RBPJ: variants seen among roughly 807,000 people sequenced by gnomAD.
RBPJ encodes the protein recombination signal binding protein for immunoglobulin kappa J region.
Under a neutral mutation model 67.8 loss-of-function variants are expected in RBPJ, and 9 were observed. The observed-to-expected ratio is 0.13, with a 90% CI of 0.08 to 0.23. The LOEUF is 0.23. Among genes scored for constraint, RBPJ ranks in the 10% least tolerant of loss-of-function variants. The pLI, the probability that RBPJ is intolerant of heterozygous loss-of-function variation, is 1.00. For missense variants in RBPJ, 305 were observed against 595.6 expected, an observed-to-expected ratio of 0.51 and a Z score of 5.08; for synonymous variants, 198 against 203.3, an observed-to-expected ratio of 0.97 and a Z score of 0.22.
At chr4:26,206,728 A>G (rs532986306) in intron 1 of RBPJ, among the ~76,000 whole-genome samples, 1 of 146,466 alleles carries the variant, frequency 6.8e-6, no homozygotes. Flanking sequence ...CAAAACTATA[A>G]AAACGAAAGG....
the RBPJ span, among the ~76,000 whole-genome samples, chr4:26,148,246 T>A: frequency 3.1e-5 from 2 of 64,514 alleles, no homozygotes; most frequent in Non-Finnish European, 6.4e-5. Context: ...GATGAACTAC[T>A]TAAGGAAATT....
At chr4:26,372,707 T>C (rs1424243748) in intron 1 of RBPJ, among the ~76,000 whole-genome samples, 1 of 152,206 alleles carries the variant, frequency 6.6e-6, no homozygotes, top group East Asian at 1.9e-4. Flanking sequence ...AATCAGTGCT[T>C]GGTGATCTGG....
chr4:26,285,838 A>G (rs1357703333), intron 1 of RBPJ, among the ~76,000 whole-genome samples: 1 of 152,222 alleles, frequency 6.6e-6, no homozygotes, highest in Non-Finnish European at 1.5e-5. Context: ...GTGTATACCC[A>G]AAGACTAACA....
chr4:26,238,207 G>A (rs59857190), intron 1 of RBPJ, among the ~76,000 whole-genome samples: 13,258 of 152,114 alleles, frequency 0.087, 741 homozygotes, highest in East Asian at 0.2. Context: ...GACCACAGGC[G>A]CGCACCACCG....
At chr4:26,412,294 A>G (rs1035221059) in intron 3 of RBPJ, among the ~76,000 whole-genome samples, 1 of 152,102 alleles carries the variant, frequency 6.6e-6, no homozygotes, top group Non-Finnish European at 1.5e-5. Context: ...GTACAGTGGC[A>G]CTATCTTGGC....
In RBPJ at chr4:26,351,410, G is replaced by T. The variant is rs371757681; in HGVS notation, c.20+30362G>T. 5.3e-5 allele frequency among the ~76,000 whole-genome samples: 8 copies of T among 152,112 alleles called. No individual in the cohort carries two copies. The East Asian group carries it at 7.7e-4, about 15-fold the overall frequency. The stretch of plus-strand genomic sequence containing the variant: ...GAGAATGCTTTGTTTATTTTTTGGT[G>T]GGGGGTGGGTGACTGGGTCTTGCCC... On this transcript the variant is annotated intron_variant, in intron 1 of 10. Transcript: ENST00000355476.
intron 1 of RBPJ, among the ~76,000 whole-genome samples, chr4:26,305,771 C>CTTTTTTTTTTTTTTTTTTT (rs71276617): frequency 1.2e-4 from 8 of 67,758 alleles, no homozygotes; most frequent in Admixed American, 4.8e-4. Context: ...ATTTTCTTTT[C>CTTTTTTTTTTTTTTTTTTT]TTTTTTTTTT....
chr4:26,170,481 G>C lies in RBPJ; in HGVS notation c.-167+6867G>C, dbSNP rs1348874633. Among the ~76,000 whole-genome samples the C allele has an allele frequency of 2.6e-5, 4 of 151,782 alleles. No homozygotes were observed. The East Asian group carries it at 5.8e-4, about 22-fold the overall frequency. On this transcript the variant is annotated intron_variant, in intron 1 of 4. Transcript: ENST00000512351. ...ACTTGAGCCAGGGAGGCCGGCCAAG[G>C]CTGCAGTGAGCCTTGCAGTGCCACT...
chr4:26,244,436 CAT>C lies in RBPJ; in HGVS notation c.-167+80825_-167+80826del, dbSNP rs1260188047. ...ATACATATGTGTGTATATATGTATA[CAT>C]ATGTGTGTATACATATATGTGTGTA... On this transcript the variant is annotated intron_variant, in intron 1 of 4. Transcript: ENST00000512351. Among the ~76,000 whole-genome samples the C allele has an allele frequency of 1.6e-4, 19 of 122,240 alleles. 1 individual carries two copies. The highest frequency in any genetic ancestry group is 6.0e-4 in the African/African-American group (18 of 30,174). The allele number at this position is 122,240 out of a possible 152,430, so 80.2% of individuals were successfully genotyped here.
chr4:26,110,165 T>C, the RBPJ span, among the ~76,000 whole-genome samples: 1 of 152,194 alleles, frequency 6.6e-6, no homozygotes, highest in Admixed American at 6.5e-5. This position sits in a 1 kb window ranked among gnomAD's most constrained non-coding sequence, Gnocchi z 4.5. Flanking sequence ...CTTCTTACAA[T>C]TCAATTTCTC....
intron 1 of RBPJ, among the ~76,000 whole-genome samples, chr4:26,178,627 AAAG>A (rs1716877830): frequency 6.6e-6 from 1 of 150,582 alleles, no homozygotes; most frequent in Non-Finnish European, 1.5e-5. Context: ...AAAAAAAAAA[AAAG>A]AAGTCCCAGA....
chr4:26,400,238 A>G (rs1275849122), intron 2 of RBPJ, among the ~76,000 whole-genome samples: 1 of 152,098 alleles, frequency 6.6e-6, no homozygotes, highest in Non-Finnish European at 1.5e-5. Flanking sequence ...TTTTCATTCC[A>G]TGTGACCATC....
intron 1 of RBPJ, among the ~76,000 whole-genome samples, chr4:26,355,639 T>G (rs1727290933): frequency 1.3e-5 from 2 of 152,026 alleles, no homozygotes; most frequent in Admixed American, 1.3e-4. Context: ...CCCCATCTCT[T>G]AAAACATCAA....
At chr4:26,317,407 A>T (rs989125193), upstream of RBPJ, among the ~76,000 whole-genome samples, 1 of 152,194 alleles carries the variant, frequency 6.6e-6, no homozygotes, top group African/African-American at 2.4e-5. Flanking sequence ...AAGGAAGGCA[A>T]CTGGTGAGAG....
chr4:26,180,860 G>A (rs1716959145), intron 1 of RBPJ, among the ~76,000 whole-genome samples: 2 of 152,218 alleles, frequency 1.3e-5, no homozygotes, highest in African/African-American at 4.8e-5. Flanking sequence ...AGACCATTAT[G>A]CAGGGCAATG....
In RBPJ at chr4:26,355,056, G is replaced by A. The variant is rs1201198366; in HGVS notation, c.21-31297G>A. On this transcript the variant is annotated intron_variant, in intron 1 of 10. Coordinates refer to ENST00000355476, the MANE Select transcript of RBPJ (RefSeq NM_015874.6). The stretch of plus-strand genomic sequence containing the variant: ...ATTTGATTTAATATTGTCTCCTGCC[G>A]TATTTTTTTGGTCTTGTTTTCTCTT... Among the ~76,000 whole-genome samples the A allele has an allele frequency of 5.9e-5, 9 of 151,824 alleles. 1 individual carries two copies. The highest frequency in any genetic ancestry group is 2.0e-4 in the Admixed American group (3 of 15,252).
chr4:26,211,941 C>T (rs756177021), intron 1 of RBPJ, among the ~76,000 whole-genome samples: 25 of 152,194 alleles, frequency 1.6e-4, no homozygotes, highest in Admixed American at 7.2e-4. Flanking sequence ...CACCTGAAGA[C>T]GAAGGCAGAG....
chr4:26,409,721 A>C (rs571737717), intron 3 of RBPJ, among the ~76,000 whole-genome samples: 45 of 152,102 alleles, frequency 3.0e-4, no homozygotes, highest in Non-Finnish European at 5.3e-4. Flanking sequence ...GCTGGTCTCG[A>C]ACTCTTGACC....
chr4:26,390,626 A>G (rs1162909831), intron 2 of RBPJ, among the ~76,000 whole-genome samples: 1 of 152,346 alleles, frequency 6.6e-6, no homozygotes, highest in African/African-American at 2.4e-5. Context: ...AAGCAATACA[A>G]TTTACACAGT....
Sources: gnomAD v4.1 joint callset for allele counts (sites outside exome capture counted in the v4.1 genomes callset) on GRCh38, gnomAD v4.1.1 for gene constraint, Gnocchi (gnomAD v3.1) non-coding constraint, MANE v1.5 for transcripts, NCBI Gene and HGNC (gene_info 2026-07-23, HGNC 2026-07-21) for gene names.